The following TLL1 variants were observed in gnomAD, a reference collection of about 807,000 sequenced individuals.
TLL1 encodes tolloid like 1.
In TLL1, 49 loss-of-function variants were observed where a neutral mutation model predicts 128.2. The observed-to-expected ratio is 0.38, with a 90% CI of 0.30 to 0.48. The LOEUF (loss-of-function observed/expected upper bound fraction) is 0.48, where lower values mean the gene tolerates loss of function less well. Among genes scored for constraint, TLL1 ranks in the 20% least tolerant of loss-of-function variants. The pLI is 0.96. For synonymous variants in TLL1, 454 were observed against 418.8 expected (o/e 1.08, Z -1.03); for missense variants, 1,123 against 1,242.0 (o/e 0.90, Z 1.44).
At chr4:165,992,914 T>G in intron 3 of TLL1, 30 bp downstream of exon 3, 1 of 1,538,198 alleles carries the variant, frequency 6.5e-7, no homozygotes, top group Non-Finnish European at 9.0e-7. Flanking sequence ...TGCAGACGCT[T>G]GACTTGATGT....
chr4:166,080,740 G>GGGTTT (rs1741250549), intron 18 of TLL1, among the ~76,000 whole-genome samples: 1 of 152,084 alleles, frequency 6.6e-6, no homozygotes, highest in Non-Finnish European at 1.5e-5. Context: ...AGCCAAGATT[G>GGGTTT]GGTTTTCTTG....
intron 5 of TLL1, among the ~76,000 whole-genome samples, chr4:166,000,320 C>G (rs1450651343): frequency 6.6e-6 from 1 of 152,146 alleles, no homozygotes; most frequent in East Asian, 1.9e-4. Context: ...TTTTCTTAAT[C>G]TGAGAGTCTA....
intron 19 of TLL1, among the ~76,000 whole-genome samples, chr4:166,094,493 T>C (rs1741930863): frequency 1.3e-5 from 2 of 152,154 alleles, no homozygotes; most frequent in Non-Finnish European, 2.9e-5. Context: ...GCCATTCAGA[T>C]ACCCACGTGA....
At chr4:166,050,550 T>G (rs887864025) in intron 12 of TLL1, among the ~76,000 whole-genome samples, 3 of 152,208 alleles carry the variant, frequency 2.0e-5, no homozygotes, top group Admixed American at 6.5e-5. Context: ...ATCTAGAAAT[T>G]TCTAAGTTTT....
intron 1 of TLL1, among the ~76,000 whole-genome samples, chr4:165,929,873 C>A (rs1408133455): frequency 6.6e-6 from 1 of 152,210 alleles, no homozygotes; most frequent in Admixed American, 6.5e-5. Flanking sequence ...GGTTCTATCA[C>A]ACAAAGTATT....
At chr4:165,894,690 T>C (rs1011651364) in intron 1 of TLL1, among the ~76,000 whole-genome samples, 1 of 152,128 alleles carries the variant, frequency 6.6e-6, no homozygotes, top group African/African-American at 2.4e-5. Flanking sequence ...TTTTTCCTTA[T>C]CTTTAGGGAA....
intron 1 of TLL1, among the ~76,000 whole-genome samples, chr4:165,898,784 G>A (rs989684856): frequency 4.6e-5 from 7 of 152,050 alleles, no homozygotes; most frequent in African/African-American, 1.7e-4. Flanking sequence ...TATTGTTTGG[G>A]ATAGTTTCAG....
chr4:166,097,329 G>C (rs932203052), intron 19 of TLL1, among the ~76,000 whole-genome samples: 1 of 152,198 alleles, frequency 6.6e-6, no homozygotes, highest in African/African-American at 2.4e-5. Flanking sequence ...AGGCTAATTG[G>C]TATTCCAGCT....
intron 1 of TLL1, among the ~76,000 whole-genome samples, chr4:165,916,807 C>T (rs760725246): frequency 6.6e-6 from 1 of 152,102 alleles, no homozygotes; most frequent in Non-Finnish European, 1.5e-5. Context: ...CCTGTCTATA[C>T]ATTCCGATTT....
intron 1 of TLL1, among the ~76,000 whole-genome samples, chr4:165,923,354 C>T (rs1733121717): frequency 6.9e-6 from 1 of 145,736 alleles, no homozygotes; most frequent in African/African-American, 2.5e-5. Context: ...ATATTCAAAG[C>T]TTTAAATAAA....
intron 1 of TLL1, among the ~76,000 whole-genome samples, chr4:165,903,886 C>T (rs968571078): frequency 5.9e-5 from 9 of 151,970 alleles, no homozygotes; most frequent in Admixed American, 5.9e-4. Context: ...CCAAATTCAT[C>T]AAGGGGTATA....
chr4:166,070,699 C>T (rs1579705172), intron 16 of TLL1, among the ~76,000 whole-genome samples: 1 of 151,878 alleles, frequency 6.6e-6, no homozygotes, highest in African/African-American at 2.4e-5. Flanking sequence ...GTGTGCATTG[C>T]AATCTGTCTA....
intron 18 of TLL1, among the ~76,000 whole-genome samples, chr4:166,084,289 G>C (rs1262444147): frequency 6.6e-6 from 1 of 151,900 alleles, no homozygotes. Flanking sequence ...TATTAGCCTG[G>C]TATCAGATGT....
intron 1 of TLL1, among the ~76,000 whole-genome samples, chr4:165,907,673 C>G (rs951953376): frequency 6.6e-6 from 1 of 151,824 alleles, no homozygotes; most frequent in African/African-American, 2.4e-5. Context: ...CTCAGCCTCC[C>G]GAGTAGCTGG....
At chr4:166,077,167 T>C (rs2111139976) in intron 17 of TLL1, among the ~76,000 whole-genome samples, 1 of 152,204 alleles carries the variant, frequency 6.6e-6, no homozygotes, top group Non-Finnish European at 1.5e-5. Context: ...ATATTAAATG[T>C]TTTTGAAATT....
At chr4:166,044,102 A>T (rs1265941511) in intron 12 of TLL1, among the ~76,000 whole-genome samples, 2 of 152,154 alleles carry the variant, frequency 1.3e-5, no homozygotes, top group African/African-American at 4.8e-5. Flanking sequence ...ACTCCAGAGT[A>T]TGTTTAAATC....
chr4:166,058,839 A>G (rs986419245), intron 14 of TLL1, among the ~76,000 whole-genome samples: 1 of 152,140 alleles, frequency 6.6e-6, no homozygotes, highest in African/African-American at 2.4e-5. Context: ...TAGAGGATAT[A>G]ATAAGTGGCA....
Position 166,022,236 on chromosome 4 carries a change from C to T in TLL1, c.1043-3080C>T, listed in dbSNP as rs552315715. ...CTGGAGTGCAGTGATGCAATATGGG[C>T]TTACTGCAATCTCTGCCTCCCGGGT... is the stretch of plus-strand genomic sequence containing the variant. On this transcript the variant is annotated intron_variant, in intron 8 of 20. Transcript: ENST00000061240. Among the ~76,000 whole-genome samples the T allele has an allele frequency of 1.9e-4, 29 of 151,318 alleles. No homozygotes were observed. In the South Asian group the frequency reaches 6.0e-3, roughly 31 times the overall value.
At chr4:165,910,376 T>A (rs1732473548) in intron 1 of TLL1, among the ~76,000 whole-genome samples, 1 of 152,198 alleles carries the variant, frequency 6.6e-6, no homozygotes, top group Non-Finnish European at 1.5e-5. Context: ...ATTTTTTTAG[T>A]TTCATCAAAA....
Sources: gnomAD v4.1 joint callset for allele counts (sites outside exome capture counted in the v4.1 genomes callset) on GRCh38, gnomAD v4.1.1 for gene constraint, MANE v1.5 for transcripts, NCBI Gene and HGNC (gene_info 2026-07-23, HGNC 2026-07-21) for gene names.